ADAMTS9: variants seen among roughly 807,000 people sequenced by gnomAD.
The protein encoded by ADAMTS9 is ADAM metallopeptidase with thrombospondin type 1 motif 9, also known as A disintegrin and metalloproteinase with thrombospondin motifs 9.
Under a neutral mutation model 257.1 loss-of-function variants are expected in ADAMTS9, and 107 were observed. That is an observed-to-expected ratio of 0.42 (90% CI 0.36 to 0.49). The LOEUF is 0.49. ADAMTS9 is among the 20% of genes least tolerant of loss of function. The probability of loss-of-function intolerance (pLI) is 0.03; values close to 1 mark genes in which losing one functional copy is unlikely to be tolerated. For missense variants in ADAMTS9, 2,353 were observed against 2,469.1 expected (o/e 0.95, Z 1.00); for synonymous variants, 982 against 880.9 (o/e 1.11, Z -2.03).
intron 19 of ADAMTS9, among the ~76,000 whole-genome samples, chr3:64,618,181 C>T (rs1700012392): frequency 6.6e-6 from 1 of 152,186 alleles, no homozygotes; most frequent in Non-Finnish European, 1.5e-5. Context: ...TAATCCTAAA[C>T]TCCTGGTTTT....
chr3:64,551,197 GTTTT>G, intron 30 of ADAMTS9, 135 bp from the exon 31 acceptor site: 1 of 991,504 alleles, frequency 1.0e-6, no homozygotes. Context: ...AGAACTTCTC[GTTTT>G]TTTGTTTTTT....
At chr3:64,668,169 T>G (rs1254212869) in intron 3 of ADAMTS9, among the ~76,000 whole-genome samples, 1 of 152,196 alleles carries the variant, frequency 6.6e-6, no homozygotes, top group African/African-American at 2.4e-5. Context: ...GCTTGGCATC[T>G]CCCAAGCTTG....
intron 30 of ADAMTS9, among the ~76,000 whole-genome samples, chr3:64,559,515 CAG>C (rs1253473000): frequency 6.6e-6 from 1 of 152,236 alleles, no homozygotes; most frequent in African/African-American, 2.4e-5. Context: ...CTGTTACTCA[CAG>C]AGTCTTTTCT....
At chr3:64,667,854 T>G (rs1393700201) in intron 3 of ADAMTS9, among the ~76,000 whole-genome samples, 3 of 152,226 alleles carry the variant, frequency 2.0e-5, no homozygotes, top group African/African-American at 7.2e-5. Flanking sequence ...ACTATTACCT[T>G]CATTTCAGAA....
At chr3:64,526,164 G>C (rs1260697862) in intron 38 of ADAMTS9, among the ~76,000 whole-genome samples, 4 of 133,742 alleles carry the variant, frequency 3.0e-5, no homozygotes, top group African/African-American at 7.4e-5. Context: ...AAAATAGCTA[G>C]AAGAGAAGAA....
chr3:64,538,933 A>T (rs1011570232), intron 37 of ADAMTS9, among the ~76,000 whole-genome samples: 1 of 152,222 alleles, frequency 6.6e-6, no homozygotes, highest in Non-Finnish European at 1.5e-5. Context: ...AGCCCTCGCT[A>T]ACCGACATCT....
intron 28 of ADAMTS9, among the ~76,000 whole-genome samples, chr3:64,575,299 G>C (rs933443994): frequency 6.6e-6 from 1 of 152,130 alleles, no homozygotes; most frequent in Non-Finnish European, 1.5e-5. Flanking sequence ...TTCAAGACTA[G>C]AGAAAAGGAG....
chr3:64,662,720 C>G (rs1006972471), intron 3 of ADAMTS9, among the ~76,000 whole-genome samples: 2 of 152,076 alleles, frequency 1.3e-5, no homozygotes, highest in Non-Finnish European at 2.9e-5. Flanking sequence ...CATCAAAGGT[C>G]TCCAGTCATA....
At chr3:64,596,240 C>T (rs761389234) in intron 27 of ADAMTS9, among the ~76,000 whole-genome samples, 2 of 152,182 alleles carry the variant, frequency 1.3e-5, no homozygotes, top group African/African-American at 4.8e-5. Context: ...GAGCTGAGAA[C>T]AGGACACGGT....
At chr3:64,638,331 A>G (rs1700552015) in intron 12 of ADAMTS9, among the ~76,000 whole-genome samples, 2 of 152,338 alleles carry the variant, frequency 1.3e-5, no homozygotes, top group South Asian at 2.1e-4. Context: ...AGGGCCCAAA[A>G]GCCTGAAAAT....
At chr3:64,594,049 T>C (rs757616271) in intron 28 of ADAMTS9, among the ~76,000 whole-genome samples, 2 of 151,776 alleles carry the variant, frequency 1.3e-5, no homozygotes, top group Non-Finnish European at 2.9e-5. Flanking sequence ...AGGTCCTGTA[T>C]GAGGTACACT....
At chr3:64,567,318 C>A (rs1048577468) in intron 29 of ADAMTS9, among the ~76,000 whole-genome samples, 4 of 152,174 alleles carry the variant, frequency 2.6e-5, no homozygotes, top group Non-Finnish European at 4.4e-5. Flanking sequence ...CCTAGATTCC[C>A]ATCGATTATC....
chr3:64,582,325 T>C lies in ADAMTS9; in HGVS notation c.4356+11933A>G, dbSNP rs564271326. On this transcript the variant is annotated intron_variant, in intron 28 of 39. Transcript: ENST00000498707. ...TATGTATAGTTTTCTCTGATAGGTT[T>C]TTTAAAAACCCAGACAAAGTGGAAA... 3.3e-5 allele frequency among the ~76,000 whole-genome samples: 5 copies of C among 152,328 alleles called. No individual in the cohort carries two copies. In the East Asian group the frequency reaches 9.6e-4, roughly 29 times the overall value.
intron 28 of ADAMTS9, among the ~76,000 whole-genome samples, chr3:64,584,253 C>A (rs896399036): frequency 4.6e-5 from 7 of 151,988 alleles, no homozygotes; most frequent in Admixed American, 2.0e-4. Flanking sequence ...CAGATATTTA[C>A]TGGAATTTAC....
chr3:64,679,961 C>A (rs1701713063), intron 3 of ADAMTS9, among the ~76,000 whole-genome samples: 1 of 152,190 alleles, frequency 6.6e-6, no homozygotes, highest in Non-Finnish European at 1.5e-5. Context: ...TCTTTAGAGT[C>A]TGACAGAATG....
At chr3:64,580,069 G>A (rs950254660) in intron 28 of ADAMTS9, among the ~76,000 whole-genome samples, 7 of 152,208 alleles carry the variant, frequency 4.6e-5, no homozygotes, top group East Asian at 1.9e-4. Context: ...CCCTGAAGAT[G>A]TCATCTTAGA....
intron 28 of ADAMTS9, among the ~76,000 whole-genome samples, chr3:64,576,589 G>A (rs1221166691): frequency 1.3e-5 from 2 of 152,190 alleles, no homozygotes; most frequent in Admixed American, 6.5e-5. Flanking sequence ...CCTGATGGCT[G>A]TTTATGTCTG....
chr3:64,555,544 G>A (rs1278123106), intron 30 of ADAMTS9, among the ~76,000 whole-genome samples: 1 of 152,148 alleles, frequency 6.6e-6, no homozygotes, highest in Non-Finnish European at 1.5e-5. Flanking sequence ...TGGCTGACTG[G>A]TGACCCCTGG....
chr3:64,594,366 C>A lies in ADAMTS9; in HGVS notation c.4248G>T (p.Arg1416=). 6.2e-7 allele frequency: 1 copy of A among 1,614,076 alleles called. No individual in the cohort carries two copies. The highest frequency in any genetic ancestry group is 8.5e-7 in the Non-Finnish European group (1 of 1,179,966). The part of the protein sequence containing the change: ...LVVCQRSNGE[R]FPDLSCEILD... ...GAATTTCACAGCTCAAATCTGGAAA[C>A]CGTTCACCGTTGGACCGCTGACAGA... Residue 1416 remains arginine (R), a synonymous_variant, in exon 28 of 40, where the codon CGG becomes CGT. Transcript: ENST00000498707.
Sources: allele counts gnomAD v4.1 joint callset (sites outside exome capture counted in the v4.1 genomes callset), GRCh38; gene constraint gnomAD v4.1.1; transcripts MANE v1.5; gene names NCBI Gene and HGNC (gene_info 2026-07-23, HGNC 2026-07-21).